The following ADAM19 variants were observed in gnomAD, a reference collection of about 807,000 sequenced individuals.
ADAM19 encodes disintegrin and metalloproteinase domain-containing protein 19.
ADAM19 carries 65 observed loss-of-function variants against 114.7 expected under a neutral mutation model. The observed-to-expected ratio is 0.57, with a 90% confidence interval of 0.46 to 0.70. ADAM19 has a LOEUF of 0.70. ADAM19 is among the 30% of genes least tolerant of loss of function. The pLI, the probability that ADAM19 is intolerant of heterozygous loss-of-function variation, is 0.00. For synonymous variants in ADAM19, 466 were observed against 460.5 expected (o/e 1.01, Z -0.15); for missense variants, 1,063 against 1,204.7 (o/e 0.88, Z 1.74).
intron 21 of ADAM19, among the ~76,000 whole-genome samples, chr5:157,484,171 A>T (rs1271626866): frequency 6.6e-6 from 1 of 152,046 alleles, no homozygotes; most frequent in African/African-American, 2.4e-5. Flanking sequence ...CCACCCTGAC[A>T]TTCCCTGACC....
rs75350875 is a variant in ADAM19, at chr5:157,528,809, G to T, written c.407+1998C>A. Among the ~76,000 whole-genome samples the T allele has an allele frequency of 6.4e-3, 968 of 152,292 alleles. 8 individuals are homozygous for T. Among genetic ancestry groups the T allele is most frequent in the African/African-American group, 0.022 (925 of 41,548 alleles). ...TAATTACAGCAATAATCTCTACCATGCTTAATACTGATGTTCACTTTATTG... is the reference window on the plus strand; with the variant it reads ...TAATTACAGCAATAATCTCTACCATTCTTAATACTGATGTTCACTTTATTG... On this transcript the variant is annotated intron_variant, in intron 5 of 22. Coordinates refer to ENST00000257527, the MANE Select transcript of ADAM19 (RefSeq NM_033274.5).
chr5:157,481,710 C>T lies in ADAM19; in HGVS notation c.2703+81G>A, dbSNP rs910509547. 7 of 1,551,704 alleles carry T rather than the reference C, an allele frequency of 4.5e-6. No homozygotes were observed. The East Asian group carries it at 9.8e-5, about 22-fold the overall frequency. On this transcript the variant is annotated intron_variant, in intron 22 of 22. Transcript: ENST00000257527. ...TCCAGACCACAAGAAGCATGAATTGCTTTGTTTTCTCAACTCTACACCTGC... is the reference window on the plus strand; with the variant it reads ...TCCAGACCACAAGAAGCATGAATTGTTTTGTTTTCTCAACTCTACACCTGC...
Position 157,480,526 on chromosome 5 carries a change from G to A in ADAM19, c.*423C>T. 1 of 1,010,246 alleles carries A rather than the reference G, an allele frequency of 9.9e-7. No individual in the cohort carries two copies. The highest frequency in any genetic ancestry group is 1.2e-6 in the Non-Finnish European group (1 of 845,398). 62.6% of individuals were successfully genotyped at this position (1,010,246 alleles called of 1,614,324 possible). On this transcript the variant is annotated 3_prime_UTR_variant, in exon 23 of 23. Transcript: ENST00000257527. Reference sequence around the variant, plus strand: ...CTCCATCCAGCCCGGGACCTCTGAGGAGAGCAGAAGCAATGGGAAGCTCTC... The same window carrying A: ...CTCCATCCAGCCCGGGACCTCTGAGAAGAGCAGAAGCAATGGGAAGCTCTC...
chr5:157,502,290 G>C (rs1317290240), intron 12 of ADAM19, among the ~76,000 whole-genome samples: 3 of 152,186 alleles, frequency 2.0e-5, no homozygotes, highest in African/African-American at 7.2e-5. Context: ...AAGATCAGAA[G>C]GAAGGAGAGA....
Position 157,491,828 on chromosome 5 carries a change from C to T in ADAM19, c.1986+7G>A. 1 of 1,614,214 alleles carries T rather than the reference C, an allele frequency of 6.2e-7. No homozygotes were observed. Among genetic ancestry groups the T allele is most frequent in the South Asian group, 1.1e-5 (1 of 91,082 alleles). ...ATGACACAGAGAAGCCAGAACCCAG[C>T]ACGCACCCCATGGCCATTGCACTTC... On this transcript the variant is annotated splice_region_variant and intron_variant, in intron 17 of 22. Coordinates refer to ENST00000257527, the MANE Select transcript of ADAM19 (RefSeq NM_033274.5).
At chr5:157,491,185 C>T (rs897435258) in intron 18 of ADAM19, among the ~76,000 whole-genome samples, 1 of 151,662 alleles carries the variant, frequency 6.6e-6, no homozygotes, top group Non-Finnish European at 1.5e-5. Flanking sequence ...TTGAGAGATC[C>T]ACTAAAATAC....
intron 3 of ADAM19, among the ~76,000 whole-genome samples, chr5:157,563,297 A>G (rs1757563141): frequency 6.6e-6 from 1 of 152,184 alleles, no homozygotes; most frequent in South Asian, 2.1e-4. Flanking sequence ...AGGCAGAGGA[A>G]GGATGTGGAT....
intron 2 of ADAM19, chr5:157,568,188 G>A (rs1757720923): frequency 6.6e-6 from 1 of 152,130 alleles, no homozygotes; most frequent in South Asian, 2.1e-4. Context: ...GGCCAGGCTG[G>A]TCTTGAACTC....
At position 157,491,603 on chromosome 5, in the gene ADAM19, G is replaced by A. The variant is rs767307014; in HGVS notation, c.2095+12C>T. ...CAAAAGCGGGCAGTGGCCCCAGCAG[G>A]CTGGCACTCACTCTCAGGGGGCATA... On this transcript the variant is annotated intron_variant, in intron 18 of 22. Coordinates refer to ENST00000257527, the MANE Select transcript of ADAM19 (RefSeq NM_033274.5). The A allele has an allele frequency of 6.8e-7, 1 of 1,478,734 alleles. No individual in the cohort carries two copies. The highest frequency in any genetic ancestry group is 9.0e-7 in the Non-Finnish European group (1 of 1,110,864). The allele number at this position is 1,478,734 out of a possible 1,614,324, so 91.6% of individuals were successfully genotyped here. A position where few individuals can be genotyped will look rare whatever the true frequency, so the allele number is the denominator to read the frequency against.
chr5:157,549,800 T>C (rs1757139773), intron 3 of ADAM19, among the ~76,000 whole-genome samples: 1 of 152,160 alleles, frequency 6.6e-6, no homozygotes, highest in South Asian at 2.1e-4. Context: ...TCAATCAGTA[T>C]CCCCTGAAAT....
Position 157,520,058 on chromosome 5 carries a change from G to T in ADAM19, c.408-27C>A, listed in dbSNP as rs757116693. 3.2e-6 allele frequency: 5 copies of T among 1,584,470 alleles called. No individual in the cohort carries two copies. The South Asian group carries it at 4.5e-5, about 14-fold the overall frequency. On this transcript the variant is annotated intron_variant, in intron 5 of 22. Coordinates refer to ENST00000257527, the MANE Select transcript of ADAM19 (RefSeq NM_033274.5). ...TGTTGAGAGGAGAAATAGAATCTCT[G>T]GTCAAAGATTATGGTTCTGAAAAAG...
At position 157,479,020 on chromosome 5, in the gene ADAM19, T is replaced by A. The variant is rs1333363953; in HGVS notation, c.*1929A>T. ...GGGTGAAAGGGGATGTTTTCACCTT[T>A]ACTTTCCAGGAACCAAGCCTTGAGG... On this transcript the variant is annotated 3_prime_UTR_variant, in exon 23 of 23. Coordinates refer to ENST00000257527, the MANE Select transcript of ADAM19 (RefSeq NM_033274.5). The A allele has an allele frequency of 1.0e-6, 1 of 985,636 alleles. No homozygotes were observed. Among genetic ancestry groups the A allele is most frequent in the Admixed American group, 6.2e-5 (1 of 16,256 alleles). 61.1% of individuals were successfully genotyped at this position (985,636 alleles called of 1,614,324 possible).
chr5:157,548,025 A>G (rs902633807), intron 3 of ADAM19, among the ~76,000 whole-genome samples: 9 of 152,088 alleles, frequency 5.9e-5, no homozygotes, highest in Admixed American at 1.3e-4. Flanking sequence ...TGTTCTAACT[A>G]TAGAGAACTT....
At chr5:157,543,430 T>C (rs1247855975) in intron 3 of ADAM19, among the ~76,000 whole-genome samples, 1 of 152,316 alleles carries the variant, frequency 6.6e-6, no homozygotes, top group East Asian at 1.9e-4. Context: ...AACTTCTCCG[T>C]GCCTATGGTT....
chr5:157,573,120 T>C (rs969294969), intron 1 of ADAM19, among the ~76,000 whole-genome samples: 2 of 152,158 alleles, frequency 1.3e-5, no homozygotes, highest in Non-Finnish European at 2.9e-5. Context: ...TTCTATAATA[T>C]TTAATGGAGC....
chr5:157,520,386 T>C (rs1325102089), intron 5 of ADAM19, among the ~76,000 whole-genome samples: 1 of 151,576 alleles, frequency 6.6e-6, no homozygotes, highest in Non-Finnish European at 1.5e-5. Context: ...CTGTGACACT[T>C]AAAACTTATG....
chr5:157,522,385 A>G (rs1756324164), intron 5 of ADAM19, among the ~76,000 whole-genome samples: 1 of 152,220 alleles, frequency 6.6e-6, no homozygotes, highest in Non-Finnish European at 1.5e-5. Flanking sequence ...GATTTGCTGC[A>G]CAGATCAGCC....
intron 3 of ADAM19, among the ~76,000 whole-genome samples, chr5:157,557,941 G>A (rs1249625761): frequency 6.6e-6 from 1 of 152,202 alleles, no homozygotes; most frequent in Admixed American, 6.5e-5. Flanking sequence ...TGCTTATGCT[G>A]GGGTGGGGTT....
intron 4 of ADAM19, among the ~76,000 whole-genome samples, chr5:157,532,119 G>A (rs999935308): frequency 1.3e-5 from 2 of 152,138 alleles, no homozygotes; most frequent in African/African-American, 4.8e-5. Context: ...TGGTACCTGT[G>A]CCCGTGAGGT....
Sources: gnomAD v4.1 joint callset for allele counts (sites outside exome capture counted in the v4.1 genomes callset) on GRCh38, gnomAD v4.1.1 for gene constraint, MANE v1.5 for transcripts, NCBI Gene and HGNC (gene_info 2026-07-23, HGNC 2026-07-21) for gene names.